The following LMLN variants were observed in gnomAD, a reference collection of about 807,000 sequenced individuals.
LMLN encodes leishmanolysin like peptidase, also known as leishmanolysin-like peptidase.
A neutral mutation model predicts 92.3 loss-of-function variants in LMLN; 70 were observed. The observed-to-expected ratio is 0.76, with a 90% confidence interval of 0.63 to 0.92. The LOEUF (loss-of-function observed/expected upper bound fraction) is 0.92. Among genes scored for constraint, LMLN ranks in the 40% least tolerant of loss-of-function variants. The pLI is 0.00. For synonymous variants in LMLN, 308 were observed against 296.2 expected (o/e 1.04, Z -0.41); for missense variants, 691 against 814.6 (o/e 0.85, Z 1.85).
At chr3:198,030,600 G>A (rs1010438138) in intron 14 of LMLN, among the ~76,000 whole-genome samples, 3 of 152,122 alleles carry the variant, frequency 2.0e-5, no homozygotes, top group Admixed American at 6.5e-5. Context: ...TGCTAATCTC[G>A]ACTATATAAT....
At chr3:197,986,844 CTTTT>C (rs749444175) in intron 8 of LMLN, among the ~76,000 whole-genome samples, 1 of 133,804 alleles carries the variant, frequency 7.5e-6, no homozygotes. Context: ...AATTTTTTTT[CTTTT>C]TTTTTTTTTT....
At chr3:197,997,704 A>G (rs1302010221) in intron 10 of LMLN, among the ~76,000 whole-genome samples, 1 of 152,130 alleles carries the variant, frequency 6.6e-6, no homozygotes, top group African/African-American at 2.4e-5. Flanking sequence ...AAATCAATGA[A>G]CCAACGTGAT....
At chr3:197,979,851 C>T (rs998720202) in intron 5 of LMLN, among the ~76,000 whole-genome samples, 1 of 151,978 alleles carries the variant, frequency 6.6e-6, no homozygotes, top group Non-Finnish European at 1.5e-5. Context: ...ATGACTCATA[C>T]CTTTATATTG....
At chr3:197,962,794 G>A (rs900469890) in intron 1 of LMLN, among the ~76,000 whole-genome samples, 1 of 150,870 alleles carries the variant, frequency 6.6e-6, no homozygotes, top group Non-Finnish European at 1.5e-5. Context: ...CCCCATATGG[G>A]TATTCAGTTG....
At position 198,036,089 on chromosome 3, in the gene LMLN, G is replaced by A. The variant is rs778853248; in HGVS notation, c.1867+46G>A. 95 of 1,507,178 alleles carry A rather than the reference G, an allele frequency of 6.3e-5. No homozygotes were observed. In the East Asian group the frequency reaches 2.1e-3, roughly 34 times the overall value. The allele number at this position is 1,507,178 out of a possible 1,614,324, so 93.4% of individuals were successfully genotyped here. ...GAATAAAGAGGGAAAAGTGAAGGAG[G>A]TGAACTTCTCTTATAAAATGTTGGC... On this transcript the variant is annotated intron_variant, in intron 15 of 15. Coordinates refer to ENST00000330198, the Ensembl canonical transcript of LMLN.
At chr3:197,993,792 A>G (rs1014353432) in intron 9 of LMLN, among the ~76,000 whole-genome samples, 2 of 152,170 alleles carry the variant, frequency 1.3e-5, no homozygotes, top group African/African-American at 4.8e-5. Flanking sequence ...AGCCAAAACA[A>G]TCATGAGCAA....
intron 1 of LMLN, 133 bp from the exon 2 acceptor site, chr3:197,974,244 A>G: frequency 3.3e-6 from 2 of 604,446 alleles, no homozygotes; most frequent in South Asian, 2.1e-5. Flanking sequence ...GAATGCTGAC[A>G]CAGTGGAATA....
At chr3:197,971,944 C>CTTTTTTTTTTTTTTTTTT (rs756710031) in intron 1 of LMLN, among the ~76,000 whole-genome samples, 3 of 81,218 alleles carry the variant, frequency 3.7e-5, no homozygotes, top group Non-Finnish European at 4.8e-5. Context: ...AGTCTCTGTT[C>CTTTTTTTTTTTTTTTTTT]TTTTTTTTTT....
chr3:198,023,670 T>TC (rs1722842378), intron 13 of LMLN, among the ~76,000 whole-genome samples: 2 of 152,346 alleles, frequency 1.3e-5, no homozygotes, highest in South Asian at 2.1e-4. Flanking sequence ...ACTCTCTACT[T>TC]CCCCAAAGAC....
chr3:198,021,940 C>G (rs1239269626), intron 13 of LMLN, among the ~76,000 whole-genome samples: 7 of 152,182 alleles, frequency 4.6e-5, no homozygotes, highest in African/African-American at 1.7e-4. Context: ...TTTCCATTTG[C>G]AAAGCACTTT....
chr3:198,027,726 T>C (rs1035476805), intron 14 of LMLN, among the ~76,000 whole-genome samples: 16 of 152,194 alleles, frequency 1.1e-4, no homozygotes, highest in Admixed American at 9.2e-4. Flanking sequence ...TCAATAACAC[T>C]CCATTGTATG....
At chr3:198,014,256 T>C (rs1388670166) in intron 11 of LMLN, among the ~76,000 whole-genome samples, 1 of 144,282 alleles carries the variant, frequency 6.9e-6, no homozygotes, top group African/African-American at 2.7e-5. Flanking sequence ...CAGAGCCCCC[T>C]AACTAGTCTG....
chr3:198,021,443 C>A lies in LMLN; in HGVS notation c.1366-3C>A, dbSNP rs756883363. 1 of 1,611,918 alleles carries A rather than the reference C, an allele frequency of 6.2e-7. No homozygotes were observed. The highest frequency in any genetic ancestry group is 1.7e-5 in the Admixed American group (1 of 59,538). On this transcript the variant is annotated splice_polypyrimidine_tract_variant and splice_region_variant and intron_variant, in intron 12 of 15. Transcript: ENST00000330198. ...TCTTGTCTTCCCAATATTTTTTCTG[C>A]AGTACTTTGATGAACTCAGTGGAAT...
At position 197,960,308 on chromosome 3, in the gene LMLN, G is replaced by A. The variant is rs200706585; in HGVS notation, c.87G>A (p.Trp29Ter). 8 of 1,613,792 alleles carry A rather than the reference G, an allele frequency of 5.0e-6. No homozygotes were observed. Among genetic ancestry groups the A allele is most frequent in the Non-Finnish European group, 6.8e-6 (8 of 1,179,946 alleles). Residue 29 changes from tryptophan (W) to a stop codon, truncating the protein, a stop_gained, in exon 1 of 16, where the codon TGG (tryptophan) becomes TGA (stop). Coordinates refer to ENST00000330198, the Ensembl canonical transcript of LMLN. LOFTEE classifies it high-confidence loss of function. Reference sequence around the variant, plus strand: ...GCTCAGGCCCGGGCCGGAGCCGGTGGCGCTGGAGCGGGTCTGTGTGGGTCC... The same window carrying A: ...GCTCAGGCCCGGGCCGGAGCCGGTGACGCTGGAGCGGGTCTGTGTGGGTCC...
At chr3:198,041,799 A>C (rs945252084) in exon 16 of LMLN, 2 of 152,224 alleles carry the variant, frequency 1.3e-5, no homozygotes, top group Non-Finnish European at 2.9e-5. Context: ...ACAATGAATT[A>C]ATCATATATT....
intron 11 of LMLN, among the ~76,000 whole-genome samples, chr3:198,014,574 T>C (rs1402257268): frequency 1.9e-4 from 6 of 32,144 alleles, no homozygotes; most frequent in South Asian, 1.6e-3. Context: ...CTTCTCTGTA[T>C]CCTTCAGAGC....
At chr3:198,029,647 C>T (rs773194737) in intron 14 of LMLN, among the ~76,000 whole-genome samples, 6 of 151,846 alleles carry the variant, frequency 4.0e-5, no homozygotes, top group Non-Finnish European at 7.4e-5. Flanking sequence ...CACTCCAGCC[C>T]GGGCAATGGA....
chr3:197,996,238 G>T (rs2109893141), exon 10 of LMLN: 1 of 1,606,152 alleles, frequency 6.2e-7, no homozygotes, highest in Non-Finnish European at 8.5e-7. Context: ...AAATCAAGGT[G>T]GTGTGGGCAC....
intron 5 of LMLN, among the ~76,000 whole-genome samples, chr3:197,977,199 G>A (rs1411154423): frequency 6.6e-6 from 1 of 152,178 alleles, no homozygotes; most frequent in African/African-American, 2.4e-5. Context: ...CCACGTAGTA[G>A]AATACTGTGC....
Sources: allele counts gnomAD v4.1 joint callset (sites outside exome capture counted in the v4.1 genomes callset), GRCh38; gene constraint gnomAD v4.1.1; transcripts MANE v1.5; gene names NCBI Gene and HGNC (gene_info 2026-07-23, HGNC 2026-07-21).